The following INPP4B variants were observed in gnomAD, a reference collection of about 807,000 sequenced individuals.
The protein encoded by INPP4B is inositol polyphosphate 4-phosphatase type II.
INPP4B carries 55 observed loss-of-function variants against 122.5 expected under a neutral mutation model. That is an observed-to-expected ratio of 0.45 (90% CI 0.36 to 0.56). The LOEUF (loss-of-function observed/expected upper bound fraction) is 0.56. Ranked by LOEUF, INPP4B falls within the 20% of genes least tolerant of loss-of-function variation. INPP4B has a pLI of 0.00. For missense variants in INPP4B, 1,000 were observed against 1,097.7 expected, an observed-to-expected ratio of 0.91 and a Z score of 1.26; for synonymous variants, 403 against 388.7, an observed-to-expected ratio of 1.04 and a Z score of -0.43.
At position 142,350,587 on chromosome 4, in the gene INPP4B, G is replaced by A. The variant is rs142501027; in HGVS notation, c.373-35825C>T. Among the ~76,000 whole-genome samples the A allele has an allele frequency of 3.3e-3, 506 of 151,920 alleles. 4 individuals carry two copies. Among genetic ancestry groups the A allele is most frequent in the African/African-American group, 0.012 (483 of 41,478 alleles). On this transcript the variant is annotated intron_variant, in intron 7 of 25. Coordinates refer to ENST00000262992, the MANE Select transcript of INPP4B (RefSeq NM_001101669.3). ...AAGTATATTATTCATAAACCATTGAGCCTCAACCAAAAGGCCTCGTGTGGT... is the reference window on the plus strand; with the variant it reads ...AAGTATATTATTCATAAACCATTGAACCTCAACCAAAAGGCCTCGTGTGGT...
chr4:142,216,691 T>C (rs183898612), intron 12 of INPP4B, among the ~76,000 whole-genome samples: 1 of 152,316 alleles, frequency 6.6e-6, no homozygotes, highest in East Asian at 1.9e-4. Context: ...CTGGAAGTCA[T>C]TATATACTCC....
At chr4:142,655,790 A>C (rs1233836052) in intron 2 of INPP4B, among the ~76,000 whole-genome samples, 1 of 152,304 alleles carries the variant, frequency 6.6e-6, no homozygotes, top group South Asian at 2.1e-4. Context: ...TATTCCTTTT[A>C]AAGTCCAACT....
intron 2 of INPP4B, among the ~76,000 whole-genome samples, chr4:142,563,168 T>C (rs1215224018): frequency 2.0e-5 from 3 of 152,208 alleles, no homozygotes; most frequent in Non-Finnish European, 4.4e-5. Context: ...GTCAATTTTT[T>C]TAAGGCAGAA....
chr4:142,082,741 G>C (rs906065898), intron 24 of INPP4B, among the ~76,000 whole-genome samples: 6 of 152,116 alleles, frequency 3.9e-5, no homozygotes, highest in Non-Finnish European at 7.4e-5. Context: ...TACTAAAAAG[G>C]AGAACAATAG....
chr4:142,625,196 C>G (rs1348672297), intron 2 of INPP4B, among the ~76,000 whole-genome samples: 2 of 151,830 alleles, frequency 1.3e-5, no homozygotes, highest in Admixed American at 1.3e-4. Flanking sequence ...CAAATTGTCC[C>G]TGTTTGCAGA....
intron 9 of INPP4B, among the ~76,000 whole-genome samples, chr4:142,288,211 TG>T (rs1754731539): frequency 6.6e-6 from 1 of 152,200 alleles, no homozygotes; most frequent in Non-Finnish European, 1.5e-5. Flanking sequence ...GATTTAATAT[TG>T]GTCATTATTT....
intron 2 of INPP4B, among the ~76,000 whole-genome samples, chr4:142,557,925 G>T (rs888641555): frequency 1.3e-5 from 2 of 152,136 alleles, no homozygotes; most frequent in African/African-American, 4.8e-5. Context: ...CCATAAGGCT[G>T]CCACAAAACG....
In INPP4B at chr4:142,026,958, T is replaced by A. The variant is rs1447456173; in HGVS notation, c.*1824A>T. 2 of 47,846 alleles carry A rather than the reference T, an allele frequency of 4.2e-5. No individual in the cohort carries two copies. Among genetic ancestry groups the A allele is most frequent in the Non-Finnish European group, 8.6e-5 (2 of 23,192 alleles). 3.0% of individuals were successfully genotyped at this position (47,846 alleles called of 1,614,324 possible). ...CTTCATAGCTATTCAAGGAGGCCTC[T>A]GTCATCCCAGCCTATCTTAAATCTA... On this transcript the variant is annotated 3_prime_UTR_variant, in exon 26 of 26. Coordinates refer to ENST00000262992, the MANE Select transcript of INPP4B (RefSeq NM_001101669.3).
chr4:142,663,110 C>T (rs1310934591), intron 2 of INPP4B, among the ~76,000 whole-genome samples: 1 of 151,992 alleles, frequency 6.6e-6, no homozygotes, highest in Non-Finnish European at 1.5e-5. Context: ...ACATTAAAAG[C>T]ATAGATGGAG....
chr4:142,060,315 T>C (rs1759927322), intron 25 of INPP4B, among the ~76,000 whole-genome samples: 1 of 152,166 alleles, frequency 6.6e-6, no homozygotes, highest in South Asian at 2.1e-4. Context: ...CATTCTTACT[T>C]GATGCCTAGA....
intron 2 of INPP4B, among the ~76,000 whole-genome samples, chr4:142,646,252 AAACT>A (rs1310928883): frequency 6.6e-6 from 1 of 152,210 alleles, no homozygotes; most frequent in Non-Finnish European, 1.5e-5. Context: ...TCAACACAAG[AAACT>A]AACACAACTA....
intron 2 of INPP4B, among the ~76,000 whole-genome samples, chr4:142,723,201 G>T (rs1232664232): frequency 6.6e-6 from 1 of 151,926 alleles, no homozygotes; most frequent in Admixed American, 6.6e-5. Flanking sequence ...GTACATAAAA[G>T]AATTGCTGAA....
intron 3 of INPP4B, among the ~76,000 whole-genome samples, chr4:142,455,837 A>G (rs1453518279): frequency 6.6e-6 from 1 of 151,990 alleles, no homozygotes; most frequent in East Asian, 1.9e-4. Context: ...CTTTTGGATA[A>G]AAAGCATTTA....
chr4:142,413,731 G>T (rs1805093476), intron 5 of INPP4B, among the ~76,000 whole-genome samples: 1 of 152,182 alleles, frequency 6.6e-6, no homozygotes, highest in South Asian at 2.1e-4. Flanking sequence ...TAACTAACCA[G>T]CCAGTCAATA....
intron 7 of INPP4B, among the ~76,000 whole-genome samples, chr4:142,398,806 AGT>A (rs1800611403): frequency 1.3e-5 from 2 of 152,248 alleles, no homozygotes; most frequent in Admixed American, 1.3e-4. Context: ...CAGGGTTGCT[AGT>A]AACTGGCAGT....
At chr4:142,230,660 A>G (rs78463058) in intron 12 of INPP4B, among the ~76,000 whole-genome samples, 9,853 of 148,908 alleles carry the variant, frequency 0.066, 762 homozygotes, top group East Asian at 0.19. Flanking sequence ...AAAAAAAAAA[A>G]AAAAGAAAAG....
chr4:142,554,188 CAA>C (rs758209943), intron 2 of INPP4B, among the ~76,000 whole-genome samples: 4 of 97,190 alleles, frequency 4.1e-5, no homozygotes, highest in Non-Finnish European at 4.3e-5. Flanking sequence ...AACTCCATCT[CAA>C]AAAAAAAAAA....
In INPP4B at chr4:142,028,432, T is replaced by A. The variant is rs960287320; in HGVS notation, c.*350A>T. On this transcript the variant is annotated 3_prime_UTR_variant, in exon 26 of 26. Coordinates refer to ENST00000262992, the MANE Select transcript of INPP4B (RefSeq NM_001101669.3). ...CTTCCATTTGGTTGGAGAGTGGTGC[T>A]CTGTGAATCACCCCTAGTCCTATTG... is the stretch of plus-strand genomic sequence containing the variant. 4.0e-6 allele frequency: 1 copy of A among 251,780 alleles called. No individual in the cohort carries two copies. The highest frequency in any genetic ancestry group is 2.2e-5 in the African/African-American group (1 of 45,868). The allele number at this position is 251,780 out of a possible 1,614,324, so 15.6% of individuals were successfully genotyped here.
intron 2 of INPP4B, among the ~76,000 whole-genome samples, chr4:142,719,554 C>T (rs925799815): frequency 3.3e-5 from 5 of 151,798 alleles, no homozygotes; most frequent in Admixed American, 3.3e-4. Flanking sequence ...AAATTCCTGG[C>T]CTCAAGTGAT....
Sources: gnomAD v4.1 joint callset for allele counts (sites outside exome capture counted in the v4.1 genomes callset) on GRCh38, gnomAD v4.1.1 for gene constraint, MANE v1.5 for transcripts, NCBI Gene and HGNC (gene_info 2026-07-23, HGNC 2026-07-21) for gene names.